Variants in ZNF69 observed in about 807,000 individuals in gnomAD.
The protein encoded by ZNF69 is ZNF3.
Under a neutral mutation model 50.9 loss-of-function variants are expected in ZNF69, and 47 were observed. That is an observed-to-expected ratio of 0.92 (90% CI 0.73 to 1.18). The LOEUF is 1.18. ZNF69 is among the 50% of genes most tolerant of loss of function. ZNF69 has a pLI of 0.00. For synonymous variants in ZNF69, 216 were observed against 223.1 expected, an observed-to-expected ratio of 0.97 and a Z score of 0.29; for missense variants, 717 against 675.1, an observed-to-expected ratio of 1.06 and a Z score of -0.69.
At chr19:11,888,053 T>C in intron 1 of ZNF69, 67 bp downstream of exon 1, 1 of 1,518,502 alleles carries the variant, frequency 6.6e-7, no homozygotes, top group Non-Finnish European at 9.1e-7. Context: ...GAACCGACTG[T>C]GGCGAGACCC....
the ZNF69 span, among the ~76,000 whole-genome samples, chr19:11,924,161 G>A: frequency 6.6e-6 from 1 of 152,114 alleles, no homozygotes; most frequent in Admixed American, 6.6e-5. Flanking sequence ...GGCCGGGCGC[G>A]GTGGCTCACG....
chr19:11,887,867 G>T lies in ZNF69; in HGVS notation c.-57G>T. The T allele has an allele frequency of 1.9e-6, 3 of 1,544,336 alleles. No individual in the cohort carries two copies. Among genetic ancestry groups the T allele is most frequent in the Non-Finnish European group, 2.7e-6 (3 of 1,123,586 alleles). The stretch of plus-strand genomic sequence containing the variant: ...CTGCGGCTGGGATCCGGTCTTTCCA[G>T]CCCCGAGAGGGACCTGGTTCCTCTG... On this transcript the variant is annotated 5_prime_UTR_variant, in exon 1 of 4. Transcript: ENST00000429654.
At chr19:11,963,003 G>A in the ZNF69 span, among the ~76,000 whole-genome samples, 2 of 151,920 alleles carry the variant, frequency 1.3e-5, no homozygotes, top group African/African-American at 4.8e-5. Flanking sequence ...AGTCGATGAG[G>A]AAATATCACC....
the ZNF69 span, among the ~76,000 whole-genome samples, chr19:11,920,357 C>T: frequency 6.6e-6 from 1 of 152,180 alleles, no homozygotes; most frequent in African/African-American, 2.4e-5. Context: ...AGGTGATCCA[C>T]TCACTTTGGC....
At position 11,906,246 on chromosome 19, in the gene ZNF69, G is replaced by C; in HGVS notation, c.*148G>C. 4 of 1,502,972 alleles carry C rather than the reference G, an allele frequency of 2.7e-6. No homozygotes were observed. Among genetic ancestry groups the C allele is most frequent in the African/African-American group, 1.4e-5 (1 of 71,484 alleles). 93.1% of individuals were successfully genotyped at this position (1,502,972 alleles called of 1,614,324 possible). A position where few individuals can be genotyped will look rare whatever the true frequency, so the allele number is the denominator to read the frequency against. ...AAAGGACACAAGCACACATAAGAAT[G>C]CATTCTGGATAGCTGAACAAAAGGC... On this transcript the variant is annotated 3_prime_UTR_variant, in exon 4 of 4. Transcript: ENST00000429654.
the ZNF69 span, among the ~76,000 whole-genome samples, chr19:11,952,089 C>G: frequency 1.3e-5 from 2 of 152,020 alleles, no homozygotes; most frequent in African/African-American, 2.4e-5. Flanking sequence ...ACAGGAGAAT[C>G]GCTTGAATCT....
At chr19:11,965,977 G>C in the ZNF69 span, among the ~76,000 whole-genome samples, 1 of 152,158 alleles carries the variant, frequency 6.6e-6, no homozygotes, top group Non-Finnish European at 1.5e-5. Context: ...TTGATTGAGA[G>C]TGTGAAGTTT....
chr19:11,974,069 TTTTCTTTCTTTCTTTCTTTCTTTCTTTC>T, the ZNF69 span, among the ~76,000 whole-genome samples: 392 of 114,846 alleles, frequency 3.4e-3, 2 homozygotes, highest in African/African-American at 0.012. Context: ...TCCTTCTTTC[TTTTCTTTCTTTCTTTCTTTCTTTCTTTC>T]TTTCTTTCTT....
chr19:11,958,565 C>T, the ZNF69 span, among the ~76,000 whole-genome samples: 12,865 of 152,178 alleles, frequency 0.085, 1,342 homozygotes, highest in African/African-American at 0.25. Flanking sequence ...ATTGAGACCC[C>T]GGTGGAAGGA....
chr19:11,935,331 G>T, the ZNF69 span, among the ~76,000 whole-genome samples: 1 of 145,932 alleles, frequency 6.9e-6, no homozygotes, highest in African/African-American at 2.6e-5. Flanking sequence ...CTGCCTCCCA[G>T]GTTCAAGTGA....
intron 1 of ZNF69, among the ~76,000 whole-genome samples, chr19:11,893,764 G>A (rs767209799): frequency 3.3e-5 from 5 of 152,132 alleles, no homozygotes; most frequent in Non-Finnish European, 5.9e-5. Context: ...TGAATGCCTT[G>A]TGGTGGAGGA....
chr19:11,907,566 G>A (rs1262615251), downstream of ZNF69, among the ~76,000 whole-genome samples: 1 of 152,142 alleles, frequency 6.6e-6, no homozygotes, highest in Non-Finnish European at 1.5e-5. Flanking sequence ...TTCATATCCA[G>A]CCATACTAAG....
At chr19:11,915,170 C>T (rs2947940), downstream of ZNF69, among the ~76,000 whole-genome samples, 4 of 151,852 alleles carry the variant, frequency 2.6e-5, no homozygotes, top group Admixed American at 6.6e-5. Context: ...ACCATTGCAC[C>T]CTGCAGCCTA....
rs1168257621 is a variant in ZNF69, at chr19:11,905,937, G to A, written c.1540G>A (p.Ala514Thr). ...KLYECKQCGE[A>T]FSSSSSFRYH... ...CTATGAATGCAAGCAATGTGGTGAA[G>A]CCTTCAGTAGTTCCAGTTCCTTTCG... The change falls in exon 4 of 4, where the codon GCC (alanine) becomes ACC (threonine). Residue 514 changes from alanine (A) to threonine (T), a missense_variant. Ala to Thr is a moderately conservative substitution (Grantham distance 58). Transcript: ENST00000429654. 6.2e-7 allele frequency: 1 copy of A among 1,613,960 alleles called. No homozygotes were observed. Among genetic ancestry groups the A allele is most frequent in the South Asian group, 1.1e-5 (1 of 91,074 alleles).
the ZNF69 span, among the ~76,000 whole-genome samples, chr19:11,919,495 A>C: frequency 6.6e-6 from 1 of 151,606 alleles, no homozygotes; most frequent in African/African-American, 2.4e-5. Context: ...GTGGTGGCTC[A>C]CTCCTGTAAT....
chr19:11,912,725 G>C (rs1972475253), intron 4 of ZNF69, among the ~76,000 whole-genome samples: 1 of 151,906 alleles, frequency 6.6e-6, no homozygotes, highest in African/African-American at 2.4e-5. Context: ...AAAGCCTTCA[G>C]ATCAGCCTCA....
At chr19:11,889,641 C>G (rs1036000184) in intron 1 of ZNF69, among the ~76,000 whole-genome samples, 3 of 152,170 alleles carry the variant, frequency 2.0e-5, no homozygotes, top group African/African-American at 7.2e-5. Context: ...CCCCTCCACC[C>G]CTGTGGGTGT....
chr19:11,939,522 G>T, the ZNF69 span, among the ~76,000 whole-genome samples: 157 of 152,330 alleles, frequency 1.0e-3, no homozygotes, highest in Non-Finnish European at 1.9e-3. Flanking sequence ...GTTCGTCAAA[G>T]ATCAGATGGT....
chr19:11,955,048 A>G, the ZNF69 span, among the ~76,000 whole-genome samples: 10 of 126,956 alleles, frequency 7.9e-5, no homozygotes, highest in South Asian at 9.7e-4. Context: ...CTTGTTGCCC[A>G]GGCTGGAATG....
Sources: allele counts gnomAD v4.1 joint callset (sites outside exome capture counted in the v4.1 genomes callset), GRCh38; gene constraint gnomAD v4.1.1; transcripts MANE v1.5; gene names NCBI Gene and HGNC (gene_info 2026-07-23, HGNC 2026-07-21).